LMO1: variants seen among roughly 807,000 people sequenced by gnomAD.
LMO1 encodes the protein rhombotin-1.
In LMO1, 10 loss-of-function variants were observed where a neutral mutation model predicts 18.0. That is an observed-to-expected ratio of 0.55 (90% CI 0.34 to 0.94). The LOEUF (loss-of-function observed/expected upper bound fraction) is 0.94, where lower values mean the gene tolerates loss of function less well. LMO1 is among the 40% of genes least tolerant of loss of function. The pLI is 0.02. For missense variants in LMO1, 183 were observed against 205.7 expected (o/e 0.89, Z 0.68); for synonymous variants, 77 against 77.9 (o/e 0.99, Z 0.06).
chr11:8,268,630 C>T, upstream of LMO1: 1 of 364,080 alleles, frequency 2.7e-6, no homozygotes, highest in Non-Finnish European at 4.7e-6. Flanking sequence ...GGGCAGGGAG[C>T]GCAGGAGGAG....
intron 1 of LMO1, among the ~76,000 whole-genome samples, chr11:8,236,621 C>T (rs1028342410): frequency 2.6e-5 from 4 of 152,002 alleles, no homozygotes; most frequent in Non-Finnish European, 5.9e-5. Context: ...AGAAGACACA[C>T]GGAGAGCATG....
At chr11:8,246,555 T>C (rs1424840891) in intron 1 of LMO1, among the ~76,000 whole-genome samples, 1 of 152,214 alleles carries the variant, frequency 6.6e-6, no homozygotes, top group Non-Finnish European at 1.5e-5. Flanking sequence ...TGACTGCTAA[T>C]GGGCTGAAGG....
chr11:8,224,871 C>A, intron 3 of LMO1, 150 bp from the exon 4 acceptor site: 1 of 636,524 alleles, frequency 1.6e-6, no homozygotes, highest in Non-Finnish European at 2.8e-6. Context: ...AGGGAACTGC[C>A]AAAAGTCCCC....
chr11:8,226,421 G>T (rs1265396142), intron 3 of LMO1, among the ~76,000 whole-genome samples: 1 of 152,176 alleles, frequency 6.6e-6, no homozygotes, highest in African/African-American at 2.4e-5. Flanking sequence ...GTTGAGGCAG[G>T]AGAATCACTT....
At chr11:8,229,055 A>AT (rs35607958) in intron 2 of LMO1, among the ~76,000 whole-genome samples, 2,533 of 145,942 alleles carry the variant, frequency 0.017, 49 homozygotes, top group African/African-American at 0.055. Context: ...CACCTGGCTA[A>AT]TTTTTTTTTT....
At chr11:8,238,629 C>T (rs1164245455) in intron 1 of LMO1, among the ~76,000 whole-genome samples, 1 of 148,278 alleles carries the variant, frequency 6.7e-6, no homozygotes, top group Non-Finnish European at 1.5e-5. Context: ...CAAGATCGCG[C>T]CACTGCACTC....
chr11:8,230,353 G>A lies in LMO1; in HGVS notation c.177C>T (p.Gly59=), dbSNP rs138302396. 3.3e-4 allele frequency: 530 copies of A among 1,614,066 alleles called. 2 individuals are homozygous for A. In the East Asian group the frequency reaches 8.9e-3, roughly 27 times the overall value. The change falls in exon 2 of 4, where the codon GGC becomes GGT. Residue 59 remains glycine (G), a synonymous_variant. Transcript: ENST00000335790. Reference sequence around the variant, plus strand: ...TGGTGTAGAGGGTGGAGCCCACCTCGCCCAGGCGGCAGTCACAGCAGGCAC... The same window carrying A: ...TGGTGTAGAGGGTGGAGCCCACCTCACCCAGGCGGCAGTCACAGCAGGCAC... ...LKCACCDCRL[G]EVGSTLYTKA...
chr11:8,230,656 C>T lies in LMO1; in HGVS notation c.26-152G>A, dbSNP rs116419339. 5.1e-3 allele frequency among the ~76,000 whole-genome samples: 770 copies of T among 152,298 alleles called. 6 individuals are homozygous for T. The highest frequency in any genetic ancestry group is 0.018 in the African/African-American group (743 of 41,566). On this transcript the variant is annotated intron_variant, in intron 1 of 3. Transcript: ENST00000335790. ...GAGCCCTCGCTTTCTCCCCAATAAC[C>T]TCCTCCCCTGGCTCCGGGTCCTGCC...
chr11:8,253,946 T>C (rs1183443160), intron 1 of LMO1, among the ~76,000 whole-genome samples: 1 of 152,146 alleles, frequency 6.6e-6, no homozygotes, highest in Non-Finnish European at 1.5e-5. Flanking sequence ...CCTAAATTAT[T>C]AAGCAGAATG....
chr11:8,240,562 G>A (rs12277194), intron 1 of LMO1, among the ~76,000 whole-genome samples: 10,924 of 152,148 alleles, frequency 0.072, 450 homozygotes, highest in Middle Eastern at 0.095. Context: ...CGAGAGCAAG[G>A]CACCAACAGA....
At chr11:8,268,376 C>T, upstream of LMO1, 15 of 1,448,606 alleles carry the variant, frequency 1.0e-5, no homozygotes, top group Non-Finnish European at 1.3e-5. Flanking sequence ...GCAGTCTCCG[C>T]CCCACGTCCC....
intron 3 of LMO1, among the ~76,000 whole-genome samples, chr11:8,225,016 A>C (rs894124849): frequency 6.6e-6 from 1 of 151,958 alleles, no homozygotes; most frequent in Admixed American, 6.6e-5. Flanking sequence ...GTGTAGGGTT[A>C]GGGGGGTTGG....
intron 1 of LMO1, among the ~76,000 whole-genome samples, chr11:8,251,375 G>T (rs903174940): frequency 6.6e-6 from 1 of 152,148 alleles, no homozygotes; most frequent in African/African-American, 2.4e-5. Context: ...CTGCTCCCAC[G>T]TGAGGAACTG....
intron 2 of LMO1, among the ~76,000 whole-genome samples, chr11:8,228,169 C>T (rs1289693317): frequency 2.0e-5 from 3 of 152,272 alleles, no homozygotes; most frequent in Non-Finnish European, 4.4e-5. Flanking sequence ...CTCTTTGAGG[C>T]AGGCACCCCT....
intron 1 of LMO1, among the ~76,000 whole-genome samples, chr11:8,251,667 G>A (rs1276378078): frequency 6.6e-6 from 1 of 152,118 alleles, no homozygotes; most frequent in Non-Finnish European, 1.5e-5. Context: ...AGGGGTGTGT[G>A]TTTGTGTGTG....
chr11:8,244,057 T>C (rs12278467), intron 1 of LMO1, among the ~76,000 whole-genome samples: 31,985 of 152,148 alleles, frequency 0.21, 4,743 homozygotes, highest in African/African-American at 0.42. Context: ...TCCTGACACA[T>C]AAACATGAAT....
Position 8,230,416 on chromosome 11 carries a change from C to T in LMO1, c.114G>A (p.Lys38=), listed in dbSNP as rs747978965. Residue 38 remains lysine, a synonymous_variant, in exon 2 of 4, where the codon AAG becomes AAA. Coordinates refer to ENST00000335790, the MANE Select transcript of LMO1 (RefSeq NM_002315.3). ...CTTCGTGCCAGTACTTGTCCAATGC[C>T]TTCAGCAGATAGCGGTCCTTGATCT... is the stretch of plus-strand genomic sequence containing the variant. ...NRKIKDRYLL[K]ALDKYWHEDC... is the part of the protein sequence containing the mutation. The T allele has an allele frequency of 1.2e-5, 19 of 1,614,126 alleles. No homozygotes were observed. Among genetic ancestry groups the T allele is most frequent in the Non-Finnish European group, 9.3e-6 (11 of 1,179,960 alleles).
chr11:8,256,623 A>G (rs1045991987), intron 1 of LMO1, among the ~76,000 whole-genome samples: 1 of 152,232 alleles, frequency 6.6e-6, no homozygotes, highest in South Asian at 2.1e-4. Flanking sequence ...TGGACAGAAC[A>G]CAAAACGAAC....
intron 1 of LMO1, among the ~76,000 whole-genome samples, chr11:8,248,444 C>T (rs981339973): frequency 6.6e-6 from 1 of 152,214 alleles, no homozygotes; most frequent in African/African-American, 2.4e-5. Flanking sequence ...CCATGCACCA[C>T]ATAGACACCT....
Sources: allele counts gnomAD v4.1 joint callset (sites outside exome capture counted in the v4.1 genomes callset), GRCh38; gene constraint gnomAD v4.1.1; transcripts MANE v1.5; gene names NCBI Gene and HGNC (gene_info 2026-07-23, HGNC 2026-07-21).